The following RP1 variants were observed in gnomAD, a reference collection of about 807,000 sequenced individuals.
The protein encoded by RP1 is oxygen-regulated protein 1.
Under a neutral mutation model 14.8 loss-of-function variants are expected in RP1, and 16 were observed. The observed-to-expected ratio is 1.08, with a 90% CI of 0.73 to 1.65. The LOEUF (loss-of-function observed/expected upper bound fraction) is 1.65, where lower values mean the gene tolerates loss of function less well. Among genes scored for constraint, RP1 ranks in the 40% most tolerant of loss-of-function variants. The pLI is 0.00. For synonymous variants in RP1, 876 were observed against 883.6 expected, an observed-to-expected ratio of 0.99 and a Z score of 0.15; for missense variants, 2,631 against 2,535.0, an observed-to-expected ratio of 1.04 and a Z score of -0.81.
intron 1 of RP1, 70 bp from the exon 2 acceptor site, chr8:54,620,885 G>A: frequency 1.5e-6 from 2 of 1,344,190 alleles, no homozygotes; most frequent in Non-Finnish European, 1.1e-6. Context: ...GCTATATTTA[G>A]CATGCATTAG....
At chr8:54,783,234 T>G (rs187799096) in intron 23 of RP1, among the ~76,000 whole-genome samples, 72 of 152,242 alleles carry the variant, frequency 4.7e-4, no homozygotes, top group Middle Eastern at 3.4e-3. Context: ...GACAGTTATT[T>G]GCCTAAATAA....
At chr8:54,620,123 A>G (rs896084590) in intron 1 of RP1, among the ~76,000 whole-genome samples, 4 of 152,332 alleles carry the variant, frequency 2.6e-5, no homozygotes, top group Admixed American at 2.6e-4. Flanking sequence ...AATATTATCC[A>G]GAATTCTGCA....
chr8:54,652,792 G>A, exon 5 of RP1: 10 of 1,535,654 alleles, frequency 6.5e-6, no homozygotes, highest in Non-Finnish European at 8.7e-6. Flanking sequence ...AACAGTTGGA[G>A]ACATTGGAGC....
chr8:54,597,371 TTTA>T (rs1345211034), intron 1 of RP1, among the ~76,000 whole-genome samples: 2 of 152,004 alleles, frequency 1.3e-5, no homozygotes, highest in Non-Finnish European at 2.9e-5. Context: ...ATCAAGACAT[TTTA>T]TTATTATTAT....
At chr8:54,649,022 G>C in exon 4 of RP1, 1 of 1,525,108 alleles carries the variant, frequency 6.6e-7, no homozygotes, top group South Asian at 1.2e-5. Flanking sequence ...CCAGTGACTT[G>C]CCAGATGCAG....
intron 7 of RP1, among the ~76,000 whole-genome samples, chr8:54,670,707 A>ATATATATATATATAT (rs1365647124): frequency 3.1e-5 from 4 of 130,850 alleles, no homozygotes; most frequent in African/African-American, 8.5e-5. Context: ...ATATATATAT[A>ATATATATATATATAT]AAACATTAAG....
In RP1 at chr8:54,629,557, C is replaced by T. The variant is rs752041343; in HGVS notation, c.5675C>T (p.Pro1892Leu). The T allele has an allele frequency of 6.2e-7, 1 of 1,614,042 alleles. No individual in the cohort carries two copies. The highest frequency in any genetic ancestry group is 8.5e-7 in the Non-Finnish European group (1 of 1,180,000). ...SDDAIKNQPL[P>L]GSNMIHGTLQ... Reference sequence around the variant, plus strand: ...GATGCTATTAAAAACCAACCATTGCCTGGCAGTAATATGATTCATGGTACA... The same window carrying T: ...GATGCTATTAAAAACCAACCATTGCTTGGCAGTAATATGATTCATGGTACA... The change falls in exon 4 of 4, where the codon CCT (proline) becomes CTT (leucine). Residue 1892 changes from proline to leucine, a missense_variant. Coordinates refer to ENST00000220676, the MANE Select transcript of RP1 (RefSeq NM_006269.2).
intron 21 of RP1, among the ~76,000 whole-genome samples, chr8:54,757,267 C>T (rs749729417): frequency 8.5e-5 from 13 of 152,076 alleles, no homozygotes; most frequent in Admixed American, 2.0e-4. Flanking sequence ...TGTCCTGGCA[C>T]GATAATAAAA....
At chr8:54,571,067 C>T (rs746424834) in intron 1 of RP1, among the ~76,000 whole-genome samples, 1 of 152,320 alleles carries the variant, frequency 6.6e-6, no homozygotes, top group East Asian at 1.9e-4. Context: ...TACATTCTCC[C>T]CCTTCTGCCT....
intron 22 of RP1, among the ~76,000 whole-genome samples, chr8:54,768,292 G>T (rs1033613407): frequency 1.3e-5 from 2 of 152,082 alleles, no homozygotes; most frequent in African/African-American, 4.8e-5. Context: ...CCCCATTCCT[G>T]CAATTGAGTT....
intron 1 of RP1, among the ~76,000 whole-genome samples, chr8:54,571,797 CT>C (rs572128708): frequency 6.6e-6 from 1 of 151,800 alleles, no homozygotes; most frequent in African/African-American, 2.4e-5. Context: ...GTTTGCTGGC[CT>C]TTTTTTTAGC....
intron 24 of RP1, among the ~76,000 whole-genome samples, chr8:54,795,179 G>A (rs995280944): frequency 1.3e-4 from 20 of 151,968 alleles, no homozygotes; most frequent in African/African-American, 4.8e-4. Flanking sequence ...AAACAGTAAG[G>A]AGAGGCCTAT....
chr8:54,560,957 C>CAA (rs1442118526), intron 1 of RP1: 1 of 152,046 alleles, frequency 6.6e-6, no homozygotes, highest in Non-Finnish European at 1.5e-5. Flanking sequence ...CTCCCCTCGG[C>CAA]ATTGGAGACA....
At chr8:54,670,727 A>T (rs1807162225) in intron 7 of RP1, among the ~76,000 whole-genome samples, 1 of 137,300 alleles carries the variant, frequency 7.3e-6, no homozygotes, top group African/African-American at 2.8e-5. Flanking sequence ...GTCCTGGTGA[A>T]TTAACCATAT....
chr8:54,867,032 G>A (rs1237506111), intron 28 of RP1, among the ~76,000 whole-genome samples: 1 of 152,126 alleles, frequency 6.6e-6, no homozygotes, highest in Non-Finnish European at 1.5e-5. Context: ...TGTCTTCAAA[G>A]AACTTCCAAT....
chr8:54,663,795 C>G (rs1488065386), exon 7 of RP1: 35 of 1,534,994 alleles, frequency 2.3e-5, no homozygotes, highest in Non-Finnish European at 3.0e-5. Flanking sequence ...AAGGGAGATA[C>G]AGGATCCAGA....
At chr8:54,738,243 T>TA (rs1009738965) in intron 18 of RP1, among the ~76,000 whole-genome samples, 3 of 151,982 alleles carry the variant, frequency 2.0e-5, no homozygotes, top group Non-Finnish European at 4.4e-5. Context: ...ATAAGAGAAG[T>TA]AAAAAAAACA....
chr8:54,695,951 A>G (rs762109197), intron 12 of RP1, among the ~76,000 whole-genome samples: 6 of 152,182 alleles, frequency 3.9e-5, no homozygotes, highest in African/African-American at 7.2e-5. Context: ...GAAGATTTCC[A>G]TTTGGAGTGG....
At chr8:54,813,905 A>G (rs1811073671) in intron 24 of RP1, among the ~76,000 whole-genome samples, 1 of 152,248 alleles carries the variant, frequency 6.6e-6, no homozygotes, top group African/African-American at 2.4e-5. Flanking sequence ...TATGAAATCT[A>G]GTCATCTGGA....
Sources: gnomAD v4.1 joint callset for allele counts (sites outside exome capture counted in the v4.1 genomes callset) on GRCh38, gnomAD v4.1.1 for gene constraint, MANE v1.5 for transcripts, NCBI Gene and HGNC (gene_info 2026-07-23, HGNC 2026-07-21) for gene names.